The following EPHB2 variants were observed in gnomAD, a reference collection of about 807,000 sequenced individuals.
EPHB2 encodes ephrin type-B receptor 2.
Under a neutral mutation model 96.4 loss-of-function variants are expected in EPHB2, and 18 were observed. The ratio of observed to expected loss-of-function variants is 0.19; its 90% CI spans 0.13 to 0.28. The LOEUF (loss-of-function observed/expected upper bound fraction) is 0.28. EPHB2 is among the 10% of genes least tolerant of loss of function. EPHB2 has a pLI of 1.00. For synonymous variants in EPHB2, 506 were observed against 534.1 expected, an observed-to-expected ratio of 0.95 and a Z score of 0.72; for missense variants, 989 against 1,355.4, an observed-to-expected ratio of 0.73 and a Z score of 4.25.
chr1:22,749,698 G>T (rs1387994781), intron 1 of EPHB2, among the ~76,000 whole-genome samples: 2 of 152,208 alleles, frequency 1.3e-5, no homozygotes, highest in East Asian at 3.9e-4. Flanking sequence ...CCGTCCACAG[G>T]GTGGCTTATG....
At chr1:22,833,246 G>A (rs1373064745) in intron 3 of EPHB2, among the ~76,000 whole-genome samples, 3 of 152,100 alleles carry the variant, frequency 2.0e-5, no homozygotes, top group African/African-American at 7.2e-5. Flanking sequence ...AGCCTCCTGA[G>A]TAGCTAGGAC....
At chr1:22,872,068 G>A (rs912757242) in intron 5 of EPHB2, among the ~76,000 whole-genome samples, 2 of 151,964 alleles carry the variant, frequency 1.3e-5, no homozygotes, top group Non-Finnish European at 2.9e-5. Context: ...AAGCAGTGTT[G>A]GCAGGATGTG....
intron 3 of EPHB2, among the ~76,000 whole-genome samples, chr1:22,810,130 T>G (rs1477236538): frequency 6.6e-6 from 1 of 151,746 alleles, no homozygotes; most frequent in African/African-American, 2.4e-5. Context: ...GTAAGATCGG[T>G]GGGGTTGGGG....
At chr1:22,882,778 T>A (rs548403498) in intron 6 of EPHB2, 33 of 385,588 alleles carry the variant, frequency 8.6e-5, no homozygotes, top group South Asian at 7.0e-4. Flanking sequence ...GACCCTTTCA[T>A]CTTGACCTCA....
At position 22,784,908 on chromosome 1, in the gene EPHB2, G is replaced by A. The variant is rs2148425093; in HGVS notation, c.643G>A (p.Glu215Lys). ...CTTCCAGGAAACCCTGTCGGGGGCTGAGAGCACATCGCTGGTGGCTGCCCG... is the reference window on the plus strand; with the variant it reads ...CTTCCAGGAAACCCTGTCGGGGGCTAAGAGCACATCGCTGGTGGCTGCCCG... ...AIFQETLSGA[E>K]STSLVAARGS... is the part of the protein sequence containing the mutation. Residue 215 changes from glutamate (E) to lysine (K), a missense_variant, in exon 3 of 16, where the codon GAG becomes AAG. Physicochemically the swap from Glu to Lys is moderately conservative, Grantham distance 56 (BLOSUM62 1). Coordinates refer to ENST00000374630, the MANE Select transcript of EPHB2 (RefSeq NM_017449.5). This position sits in a 1 kb window ranked among gnomAD's most constrained non-coding sequence, Gnocchi z 5.1. 6.2e-7 allele frequency: 1 copy of A among 1,614,016 alleles called. No homozygotes were observed. Among genetic ancestry groups the A allele is most frequent in the Non-Finnish European group, 8.5e-7 (1 of 1,180,056 alleles).
At position 22,871,948 on chromosome 1, in the gene EPHB2, G is replaced by A. The variant is rs540473139; in HGVS notation, c.1303+6736G>A. ...GGAGAATTGCTTGAACCCAGGAGGC[G>A]GAGGTTGCAGTGAGCAGAGATCGTG... On this transcript the variant is annotated intron_variant, in intron 5 of 15. Coordinates refer to ENST00000374630, the MANE Select transcript of EPHB2 (RefSeq NM_017449.5). 1.5e-4 allele frequency among the ~76,000 whole-genome samples: 23 copies of A among 152,166 alleles called. No homozygotes were observed. The East Asian group carries it at 1.7e-3, about 12-fold the overall frequency.
chr1:22,818,761 C>G (rs1645108780), intron 3 of EPHB2, among the ~76,000 whole-genome samples: 1 of 152,146 alleles, frequency 6.6e-6, no homozygotes, highest in African/African-American at 2.4e-5. Flanking sequence ...TCCGTCAGGT[C>G]TCAGTTTTGA....
At chr1:22,903,231 T>C (rs1006032978) in intron 9 of EPHB2, among the ~76,000 whole-genome samples, 5 of 152,236 alleles carry the variant, frequency 3.3e-5, no homozygotes, top group African/African-American at 1.2e-4. Flanking sequence ...CTGTACTTCC[T>C]CTTACCTCCC....
At chr1:22,843,861 C>T (rs1456279302) in intron 3 of EPHB2, among the ~76,000 whole-genome samples, 1 of 152,184 alleles carries the variant, frequency 6.6e-6, no homozygotes, top group East Asian at 1.9e-4. Flanking sequence ...TTCTTTGTGT[C>T]CATGTGTATT....
chr1:22,828,742 T>C (rs1222320906), intron 3 of EPHB2, among the ~76,000 whole-genome samples: 1 of 152,232 alleles, frequency 6.6e-6, no homozygotes, highest in African/African-American at 2.4e-5. Context: ...AATTATAGAA[T>C]GTTGCAATCA....
chr1:22,919,135 A>T lies in EPHB2; in HGVS notation c.*5565A>T, dbSNP rs1211763051. 2 of 152,202 alleles carry T rather than the reference A, an allele frequency of 1.3e-5. No homozygotes were observed. The highest frequency in any genetic ancestry group is 2.4e-5 in the African/African-American group (1 of 41,438). The allele number at this position is 152,202 out of a possible 1,614,324, so 9.4% of individuals were successfully genotyped here. ...ATTTTTTGACAAGCTCCTCCAGGAG[A>T]TTCCTCCAGACATGGAAATCCTCAC... On this transcript the variant is annotated 3_prime_UTR_variant, in exon 16 of 16. Coordinates refer to ENST00000374630, the MANE Select transcript of EPHB2 (RefSeq NM_017449.5).
chr1:22,878,461 T>C (rs1171170229), intron 5 of EPHB2, among the ~76,000 whole-genome samples: 1 of 152,210 alleles, frequency 6.6e-6, no homozygotes. Flanking sequence ...AAGGCTGGGA[T>C]GCTGTGAGGT....
At chr1:22,809,486 CGT>C (rs1331854642) in intron 3 of EPHB2, among the ~76,000 whole-genome samples, 2 of 152,180 alleles carry the variant, frequency 1.3e-5, no homozygotes, top group African/African-American at 4.8e-5. Flanking sequence ...ATATACATAA[CGT>C]ATATGTTATA....
At chr1:22,797,268 C>T (rs1465757705) in intron 3 of EPHB2, among the ~76,000 whole-genome samples, 2 of 152,184 alleles carry the variant, frequency 1.3e-5, no homozygotes, top group African/African-American at 4.8e-5. Context: ...TAAAACAGCT[C>T]ATCATCGAGG....
intron 1 of EPHB2, among the ~76,000 whole-genome samples, chr1:22,746,387 G>C (rs1268811520): frequency 6.6e-6 from 1 of 152,194 alleles, no homozygotes; most frequent in Non-Finnish European, 1.5e-5. Flanking sequence ...AACATCTTGG[G>C]CAAAGATCCA....
chr1:22,793,345 A>G (rs1474532627), intron 3 of EPHB2, among the ~76,000 whole-genome samples: 1 of 152,140 alleles, frequency 6.6e-6, no homozygotes, highest in African/African-American at 2.4e-5. Context: ...AGGGCGCAGG[A>G]GAGAGCTCTA....
intron 3 of EPHB2, among the ~76,000 whole-genome samples, chr1:22,843,322 TC>T (rs1213582641): frequency 4.6e-5 from 7 of 152,202 alleles, no homozygotes; most frequent in Admixed American, 4.6e-4. Flanking sequence ...TAATTCTAAG[TC>T]CTTGCTCTTG....
At position 22,728,124 on chromosome 1, in the gene EPHB2, G is replaced by A. The variant is rs147675637; in HGVS notation, c.61+17081G>A. Among the ~76,000 whole-genome samples, 431 of 152,252 alleles carry A rather than the reference G, an allele frequency of 2.8e-3. 2 individuals carry two copies. The highest frequency in any genetic ancestry group is 1.0e-2 in the African/African-American group (414 of 41,542). On this transcript the variant is annotated intron_variant, in intron 1 of 15. Coordinates refer to ENST00000374630, the MANE Select transcript of EPHB2 (RefSeq NM_017449.5). ...TCATCATTTTTCCTATCACCTCCCTGTAAGAATGTAAACTTCACAAAGGCA... is the reference window on the plus strand; with the variant it reads ...TCATCATTTTTCCTATCACCTCCCTATAAGAATGTAAACTTCACAAAGGCA...
intron 3 of EPHB2, among the ~76,000 whole-genome samples, chr1:22,836,292 C>T (rs1645383225): frequency 6.6e-6 from 1 of 152,222 alleles, no homozygotes; most frequent in African/African-American, 2.4e-5. Context: ...GAGTCCAACT[C>T]TACACCAGGC....
Sources: gnomAD v4.1 joint callset for allele counts (sites outside exome capture counted in the v4.1 genomes callset) on GRCh38, gnomAD v4.1.1 for gene constraint, Gnocchi (gnomAD v3.1) non-coding constraint, MANE v1.5 for transcripts, NCBI Gene and HGNC (gene_info 2026-07-23, HGNC 2026-07-21) for gene names.